Variants in TMEM132D observed in about 807,000 individuals in gnomAD.
TMEM132D encodes the protein transmembrane protein 132D.
TMEM132D carries 21 observed loss-of-function variants against 62.3 expected under a neutral mutation model. That is an observed-to-expected ratio of 0.34 (90% CI 0.24 to 0.49). The LOEUF (loss-of-function observed/expected upper bound fraction) is 0.49, where lower values mean the gene tolerates loss of function less well. Ranked by LOEUF, TMEM132D falls within the 20% of genes least tolerant of loss-of-function variation. The pLI is 0.99. For missense variants in TMEM132D, 1,346 were observed against 1,402.8 expected, an observed-to-expected ratio of 0.96 and a Z score of 0.65; for synonymous variants, 621 against 575.6, an observed-to-expected ratio of 1.08 and a Z score of -1.13.
At chr12:129,862,294 A>G (rs12811147) in intron 1 of TMEM132D, among the ~76,000 whole-genome samples, 7,285 of 152,330 alleles carry the variant, frequency 0.048, 210 homozygotes, top group Non-Finnish European at 0.068. Context: ...CAAGCCTCAA[A>G]TCAGGTGGAA....
chr12:129,642,174 A>G (rs1879656396), intron 2 of TMEM132D, among the ~76,000 whole-genome samples: 1 of 152,178 alleles, frequency 6.6e-6, no homozygotes, highest in South Asian at 2.1e-4. Flanking sequence ...AAGACAGGAG[A>G]GATTTTATGA....
intron 1 of TMEM132D, among the ~76,000 whole-genome samples, chr12:129,860,198 A>G (rs973447152): frequency 6.6e-6 from 1 of 152,240 alleles, no homozygotes; most frequent in African/African-American, 2.4e-5. Flanking sequence ...CAACTGGCTA[A>G]GAAAAACTAT....
chr12:129,185,997 T>C (rs982700341), intron 5 of TMEM132D, among the ~76,000 whole-genome samples: 5 of 152,176 alleles, frequency 3.3e-5, no homozygotes, highest in Non-Finnish European at 7.4e-5. Context: ...CTTTCTCAGA[T>C]CTGCTGGAGG....
intron 1 of TMEM132D, among the ~76,000 whole-genome samples, chr12:129,810,568 ACACACCCCCC>A (rs771168423): frequency 0.27 from 9,191 of 33,424 alleles, 373 homozygotes; most frequent in South Asian, 0.38. Context: ...ACACACACAC[ACACACCCCCC>A]CACACTCTTT....
In TMEM132D at chr12:129,699,940, A is replaced by G. The variant is rs2137225522; in HGVS notation, c.838T>C (p.Ser280Pro). Residue 280 changes from serine (S) to proline (P), a missense_variant, in exon 2 of 9, where the codon TCC (serine) becomes CCC (proline). Coordinates refer to ENST00000422113, the MANE Select transcript of TMEM132D (RefSeq NM_133448.3). The part of the protein sequence containing the change: ...IFLYQTHRKP[S>P]LRELRLDNSV... ...TTGTCCAGACGCAGTTCTCTCAGGG[A>G]GGGTTTCCTGTGTGTCTGATAAAGG... 6.2e-7 allele frequency: 1 copy of G among 1,614,026 alleles called. No individual in the cohort carries two copies. Among genetic ancestry groups the G allele is most frequent in the South Asian group, 1.1e-5 (1 of 91,070 alleles).
At chr12:129,854,304 G>T (rs7961140) in intron 1 of TMEM132D, among the ~76,000 whole-genome samples, 27 of 152,136 alleles carry the variant, frequency 1.8e-4, no homozygotes, top group African/African-American at 6.3e-4. Flanking sequence ...TCTGAGGCAG[G>T]CTTGACCATC....
At chr12:129,799,860 G>A (rs1481009546) in intron 1 of TMEM132D, among the ~76,000 whole-genome samples, 2 of 152,250 alleles carry the variant, frequency 1.3e-5, no homozygotes, top group East Asian at 3.9e-4. Context: ...GTGTTAGACA[G>A]CTCTGCAGCC....
At chr12:129,759,209 T>C (rs1044589810) in intron 1 of TMEM132D, among the ~76,000 whole-genome samples, 1 of 152,156 alleles carries the variant, frequency 6.6e-6, no homozygotes, top group Admixed American at 6.6e-5. Flanking sequence ...GCTGGGATTA[T>C]AGGCGTGAGC....
At chr12:129,636,710 G>T (rs1222693199) in intron 2 of TMEM132D, among the ~76,000 whole-genome samples, 2 of 112,836 alleles carry the variant, frequency 1.8e-5, no homozygotes, top group East Asian at 5.7e-4. Flanking sequence ...GTGTGTGTGT[G>T]TGTGTGTGTG....
At chr12:129,457,729 G>A (rs1236900946) in intron 3 of TMEM132D, among the ~76,000 whole-genome samples, 1 of 152,092 alleles carries the variant, frequency 6.6e-6, no homozygotes, top group Non-Finnish European at 1.5e-5. Flanking sequence ...CATGGCAGAG[G>A]AGGAGAGAGA....
intron 3 of TMEM132D, among the ~76,000 whole-genome samples, chr12:129,513,865 T>C (rs999152964): frequency 3.4e-5 from 5 of 146,282 alleles, no homozygotes; most frequent in African/African-American, 1.3e-4. Context: ...TGAGACGGAG[T>C]CTCGCTCTGT....
intron 1 of TMEM132D, among the ~76,000 whole-genome samples, chr12:129,818,441 T>G (rs1384358498): frequency 2.1e-5 from 3 of 146,130 alleles, no homozygotes; most frequent in Non-Finnish European, 3.0e-5. Flanking sequence ...GGTGGGGGGG[T>G]GTGTGTCTAT....
intron 4 of TMEM132D, among the ~76,000 whole-genome samples, chr12:129,234,270 C>T (rs77720523): frequency 0.014 from 2,078 of 152,126 alleles, 47 homozygotes; most frequent in African/African-American, 0.047. Flanking sequence ...ATTTGCAAAC[C>T]GAGGGGTGTT....
At chr12:129,744,451 G>C (rs1869709449) in intron 1 of TMEM132D, among the ~76,000 whole-genome samples, 1 of 152,136 alleles carries the variant, frequency 6.6e-6, no homozygotes, top group African/African-American at 2.4e-5. Flanking sequence ...GTCTGAAATG[G>C]AGCCTTTGAC....
chr12:129,543,035 G>A (rs1421148041), intron 2 of TMEM132D, among the ~76,000 whole-genome samples: 1 of 151,584 alleles, frequency 6.6e-6, no homozygotes, highest in Non-Finnish European at 1.5e-5. Flanking sequence ...ACCTAATGAC[G>A]CATTCCCCAG....
intron 1 of TMEM132D, among the ~76,000 whole-genome samples, chr12:129,736,773 A>G (rs959720828): frequency 3.7e-4 from 55 of 150,554 alleles, no homozygotes; most frequent in Non-Finnish European, 7.1e-4. Flanking sequence ...GAACATTATT[A>G]TATCTGTGAT....
At chr12:129,163,094 A>C in intron 5 of TMEM132D, among the ~76,000 whole-genome samples, 1 of 152,280 alleles carries the variant, frequency 6.6e-6, no homozygotes, top group South Asian at 2.1e-4. Flanking sequence ...GGCCCCTGAA[A>C]TTCTTGGGCA....
chr12:129,613,167 G>C (rs1216365809), intron 2 of TMEM132D, among the ~76,000 whole-genome samples: 1 of 152,096 alleles, frequency 6.6e-6, no homozygotes, highest in Non-Finnish European at 1.5e-5. Context: ...TCAGGAAACA[G>C]CTCACCCCGT....
At position 129,284,349 on chromosome 12, in the gene TMEM132D, C is replaced by T. The variant is rs536544705; in HGVS notation, c.1299+53285G>A. 4.6e-5 allele frequency among the ~76,000 whole-genome samples: 7 copies of T among 152,332 alleles called. No individual in the cohort carries two copies. The South Asian group carries it at 1.5e-3, about 32-fold the overall frequency. ...AGAAAACCACTCAGTTTGTCTCAGTCAACTTACAGAATCATGCAAGAATAA... is the reference window on the plus strand; with the variant it reads ...AGAAAACCACTCAGTTTGTCTCAGTTAACTTACAGAATCATGCAAGAATAA... On this transcript the variant is annotated intron_variant, in intron 4 of 8. Transcript: ENST00000422113.
Sources: gnomAD v4.1 joint callset for allele counts (sites outside exome capture counted in the v4.1 genomes callset) on GRCh38, gnomAD v4.1.1 for gene constraint, MANE v1.5 for transcripts, NCBI Gene and HGNC (gene_info 2026-07-23, HGNC 2026-07-21) for gene names.